Variants in COL25A1 observed in about 807,000 individuals in gnomAD.
COL25A1 encodes the protein collagen type XXV alpha 1 chain, also known as collagen alpha-1(XXV) chain.
Under a neutral mutation model 128.4 loss-of-function variants are expected in COL25A1, and 103 were observed. That is an observed-to-expected ratio of 0.80 (90% confidence interval 0.68 to 0.94). The LOEUF is 0.94. Among genes scored for constraint, COL25A1 ranks in the 40% least tolerant of loss-of-function variants. The pLI, the probability that COL25A1 is intolerant of heterozygous loss-of-function variation, is 0.00. For synonymous variants in COL25A1, 279 were observed against 277.2 expected, an observed-to-expected ratio of 1.01 and a Z score of -0.06; for missense variants, 745 against 840.0, an observed-to-expected ratio of 0.89 and a Z score of 1.40.
intron 31 of COL25A1, among the ~76,000 whole-genome samples, chr4:108,839,709 G>A (rs1734205211): frequency 6.6e-6 from 1 of 152,094 alleles, no homozygotes; most frequent in Admixed American, 6.6e-5. Context: ...TATGAAATCA[G>A]GGAACTTGCA....
At chr4:108,884,958 A>C (rs916290914) in intron 18 of COL25A1, among the ~76,000 whole-genome samples, 2 of 152,178 alleles carry the variant, frequency 1.3e-5, no homozygotes, top group African/African-American at 4.8e-5. Context: ...AAGCCCAAAG[A>C]ATGATAATAA....
At chr4:108,831,686 G>GA (rs1733122271) in intron 32 of COL25A1, among the ~76,000 whole-genome samples, 1 of 74,324 alleles carries the variant, frequency 1.3e-5, no homozygotes, top group African/African-American at 5.6e-5. Context: ...GAGAGAGAGG[G>GA]GGAGAGAGAG....
chr4:108,868,139 G>A (rs1158195952), intron 20 of COL25A1, among the ~76,000 whole-genome samples: 1 of 152,092 alleles, frequency 6.6e-6, no homozygotes, highest in Non-Finnish European at 1.5e-5. Flanking sequence ...ATGAGGAGCA[G>A]GAGTTAATGA....
intron 31 of COL25A1, among the ~76,000 whole-genome samples, chr4:108,835,562 T>TA (rs1733677392): frequency 6.7e-6 from 1 of 150,204 alleles, no homozygotes; most frequent in Admixed American, 6.6e-5. Context: ...CATACATTCT[T>TA]TTTTTTTTTG....
chr4:109,273,794 T>C (rs571091411), intron 3 of COL25A1, among the ~76,000 whole-genome samples: 17 of 152,298 alleles, frequency 1.1e-4, no homozygotes, highest in African/African-American at 4.1e-4. Flanking sequence ...CTCAGTTTTC[T>C]TATATGCAAA....
At chr4:108,848,676 A>G (rs78189306) in intron 27 of COL25A1, 83 bp downstream of exon 27, 57,688 of 924,770 alleles carry the variant, frequency 0.062, 2,229 homozygotes, top group African/African-American at 0.15. Flanking sequence ...ATCAATGCTC[A>G]TGACATTTTG....
chr4:109,060,852 A>T (rs1560616523), intron 3 of COL25A1, among the ~76,000 whole-genome samples: 2 of 151,922 alleles, frequency 1.3e-5, no homozygotes, highest in African/African-American at 4.8e-5. Context: ...TTTCATCAGT[A>T]TTTTTTCTTG....
At chr4:108,921,349 C>G (rs991946839) in intron 11 of COL25A1, among the ~76,000 whole-genome samples, 2 of 152,092 alleles carry the variant, frequency 1.3e-5, no homozygotes, top group Non-Finnish European at 2.9e-5. Context: ...TTATTTAGAG[C>G]AAGGCATGGC....
intron 3 of COL25A1, among the ~76,000 whole-genome samples, chr4:109,294,603 C>G (rs1410509743): frequency 6.6e-6 from 1 of 152,050 alleles, no homozygotes; most frequent in African/African-American, 2.4e-5. Context: ...ACCAGGGAGG[C>G]TGGGGATGCA....
At chr4:108,923,872 G>A (rs1286588716) in intron 11 of COL25A1, among the ~76,000 whole-genome samples, 3 of 151,954 alleles carry the variant, frequency 2.0e-5, no homozygotes, top group African/African-American at 4.8e-5. Context: ...TCATCTTTTC[G>A]GTTCATCTCT....
In COL25A1 at chr4:108,941,426, A is replaced by G; in HGVS notation, c.504T>C (p.Pro168=). ...CAGAGAGAAACCCATGATTGATTTT[A>G]GGAAACACCATCTGATCAGTCAGTT... ...QGDQGPRMVF[P]KINHGFLSAD... The change falls in exon 9 of 38, where the codon CCT becomes CCC. Residue 168 remains proline, a synonymous_variant. Transcript: ENST00000399132. The G allele has an allele frequency of 6.2e-7, 1 of 1,613,926 alleles. No individual in the cohort carries two copies. The highest frequency in any genetic ancestry group is 8.5e-7 in the Non-Finnish European group (1 of 1,179,782).
At chr4:108,983,602 G>C (rs955723931) in intron 6 of COL25A1, among the ~76,000 whole-genome samples, 1 of 152,214 alleles carries the variant, frequency 6.6e-6, no homozygotes, top group Admixed American at 6.5e-5. Flanking sequence ...GACCCTCGCA[G>C]TGAGTGTTAC....
intron 19 of COL25A1, among the ~76,000 whole-genome samples, chr4:108,872,894 T>C (rs1395161461): frequency 6.6e-6 from 1 of 152,066 alleles, no homozygotes; most frequent in African/African-American, 2.4e-5. Context: ...CTTTTTTTTT[T>C]CTTTTGTTTT....
intron 11 of COL25A1, among the ~76,000 whole-genome samples, chr4:108,935,474 G>T (rs7356136): frequency 0.26 from 38,772 of 151,908 alleles, 5,736 homozygotes; most frequent in African/African-American, 0.4. Flanking sequence ...GAAAAGAATC[G>T]TACATCTTTA....
chr4:108,939,459 A>C (rs1578829860), intron 10 of COL25A1, among the ~76,000 whole-genome samples: 1 of 152,320 alleles, frequency 6.6e-6, no homozygotes, highest in African/African-American at 2.4e-5. Flanking sequence ...AGAAGTTTTA[A>C]AGTACGCTAT....
chr4:109,043,587 A>T (rs529411106), intron 5 of COL25A1, among the ~76,000 whole-genome samples: 6 of 41,630 alleles, frequency 1.4e-4, no homozygotes, highest in East Asian at 3.4e-3. Context: ...ACAGCCAGTT[A>T]AAAAAAAGGT....
chr4:109,047,157 G>C (rs781235492), intron 5 of COL25A1, among the ~76,000 whole-genome samples: 2 of 152,130 alleles, frequency 1.3e-5, no homozygotes, highest in Admixed American at 6.5e-5. Context: ...AAGCTCACTG[G>C]GGGTATCATT....
intron 11 of COL25A1, among the ~76,000 whole-genome samples, chr4:108,932,875 T>A (rs774376812): frequency 1.3e-5 from 2 of 152,190 alleles, no homozygotes; most frequent in Non-Finnish European, 2.9e-5. Flanking sequence ...CCAATTATGG[T>A]CATTCCTTTG....
intron 3 of COL25A1, among the ~76,000 whole-genome samples, chr4:109,143,205 TTTTG>T (rs1370564206): frequency 1.3e-5 from 2 of 152,236 alleles, no homozygotes; most frequent in Admixed American, 6.5e-5. Context: ...TTGAAAATTC[TTTTG>T]TTTAAGAATG....
Sources: gnomAD v4.1 joint callset for allele counts (sites outside exome capture counted in the v4.1 genomes callset) on GRCh38, gnomAD v4.1.1 for gene constraint, MANE v1.5 for transcripts, NCBI Gene and HGNC (gene_info 2026-07-23, HGNC 2026-07-21) for gene names.